The following NALF1 variants were observed in gnomAD, a reference collection of about 807,000 sequenced individuals.
NALF1 encodes the protein family with sequence similarity 155 member A.
In NALF1, 3 loss-of-function variants were observed where a neutral mutation model predicts 48.4. The observed-to-expected ratio is 0.06, with a 90% CI of 0.03 to 0.16. The LOEUF (loss-of-function observed/expected upper bound fraction) is 0.16. Ranked by LOEUF, NALF1 falls within the 10% of genes least tolerant of loss-of-function variation. The probability of loss-of-function intolerance (pLI) is 1.00; values close to 1 mark genes in which losing one functional copy is unlikely to be tolerated. For missense variants in NALF1, 526 were observed against 571.5 expected, an observed-to-expected ratio of 0.92 and a Z score of 0.81; for synonymous variants, 262 against 245.7, an observed-to-expected ratio of 1.07 and a Z score of -0.62.
In NALF1 at chr13:107,216,668, C is replaced by G. The variant is rs766827286; in HGVS notation, c.916-5913G>C. 5.9e-5 allele frequency among the ~76,000 whole-genome samples: 9 copies of G among 152,284 alleles called. No individual in the cohort carries two copies. In the South Asian group the frequency reaches 1.2e-3, roughly 21 times the overall value. ...GGTCTATTCCCTTGCATTTCAGGGC[C>G]TCCTGAGCTTGTTGGCTCTGTCCCA... On this transcript the variant is annotated intron_variant, in intron 1 of 2. Transcript: ENST00000375915.
At chr13:107,601,534 C>G (rs367634412) in intron 1 of NALF1, among the ~76,000 whole-genome samples, 1 of 152,212 alleles carries the variant, frequency 6.6e-6, no homozygotes, top group East Asian at 1.9e-4. Context: ...CAGTTTTTAT[C>G]AGGAGGCTTT....
At chr13:107,313,564 G>T (rs1488739080) in intron 1 of NALF1, among the ~76,000 whole-genome samples, 1 of 152,068 alleles carries the variant, frequency 6.6e-6, no homozygotes, top group African/African-American at 2.4e-5. Context: ...ATGTAAACTG[G>T]TAGCTTGTCT....
intron 1 of NALF1, among the ~76,000 whole-genome samples, chr13:107,628,369 C>A (rs1221038417): frequency 6.6e-6 from 1 of 152,146 alleles, no homozygotes; most frequent in Non-Finnish European, 1.5e-5. Context: ...CTATATATCC[C>A]AGTTCCCACT....
chr13:107,815,139 T>G, intron 1 of NALF1, among the ~76,000 whole-genome samples: 1 of 151,728 alleles, frequency 6.6e-6, no homozygotes, highest in East Asian at 1.9e-4. Flanking sequence ...AGTAATAAAA[T>G]AAAAAAAAGA....
At chr13:107,705,917 A>G (rs1410513874) in intron 1 of NALF1, among the ~76,000 whole-genome samples, 1 of 152,072 alleles carries the variant, frequency 6.6e-6, no homozygotes, top group African/African-American at 2.4e-5. Context: ...GTATTTTTCC[A>G]GCTAATACAT....
At chr13:107,174,531 A>G (rs1566441097) in intron 2 of NALF1, among the ~76,000 whole-genome samples, 1 of 151,428 alleles carries the variant, frequency 6.6e-6, no homozygotes, top group African/African-American at 2.4e-5. Context: ...AATTTTTTGT[A>G]TTTTTAGTAG....
rs1555329721 is a variant in NALF1, at chr13:107,851,805, C to CATTTTTTTT, written c.915+13876_915+13877insAAAAAAAAT. Among the ~76,000 whole-genome samples the CATTTTTTTT allele has an allele frequency of 6.2e-4, 65 of 104,732 alleles. 5 individuals are homozygous for CATTTTTTTT. The highest frequency in any genetic ancestry group is 1.0e-3 in the African/African-American group (29 of 28,270). The allele number at this position is 104,732 out of a possible 152,430, so 68.7% of individuals were successfully genotyped here. On this transcript the variant is annotated intron_variant, in intron 1 of 2. Coordinates refer to ENST00000375915, the MANE Select transcript of NALF1 (RefSeq NM_001080396.3). Reference sequence around the variant, plus strand: ...GGATTAAGGGCTTTACAGGCCCTTTCTTTTTTTTTTTTTTTTTTTTTGAGA... The same window carrying CATTTTTTTT: ...GGATTAAGGGCTTTACAGGCCCTTTCATTTTTTTTTTTTTTTTTTTTTTTTTTTTTGAGA...
At chr13:107,461,739 G>A (rs941172014) in intron 1 of NALF1, among the ~76,000 whole-genome samples, 1 of 152,258 alleles carries the variant, frequency 6.6e-6, no homozygotes, top group African/African-American at 2.4e-5. Context: ...TATTGTAATT[G>A]TATATGGTAT....
In NALF1 at chr13:107,164,853, C is replaced by T. The variant is rs1296980993; in HGVS notation, c.*5644G>A. On this transcript the variant is annotated 3_prime_UTR_variant, in exon 3 of 3. Coordinates refer to ENST00000375915, the MANE Select transcript of NALF1 (RefSeq NM_001080396.3). ...AAATTCAGAAACTCTGAACAACTTC[C>T]AGGAGCAGTCCCTATGAGCAAGCCA... The T allele has an allele frequency of 6.6e-5, 10 of 152,086 alleles. No individual in the cohort carries two copies. The highest frequency in any genetic ancestry group is 1.2e-4 in the Non-Finnish European group (8 of 68,040). The allele number at this position is 152,086 out of a possible 1,614,324, so 9.4% of individuals were successfully genotyped here.
At chr13:107,502,048 ATATT>A (rs1360642846) in intron 1 of NALF1, among the ~76,000 whole-genome samples, 2 of 152,182 alleles carry the variant, frequency 1.3e-5, no homozygotes, top group African/African-American at 4.8e-5. Flanking sequence ...AGAACAATCT[ATATT>A]TATTGCTAAG....
chr13:107,534,143 TG>T (rs1222800819), intron 1 of NALF1, among the ~76,000 whole-genome samples: 1 of 152,118 alleles, frequency 6.6e-6, no homozygotes, highest in Admixed American at 6.6e-5. Flanking sequence ...ACGTAGGTTC[TG>T]GGCCCTCCCC....
intron 1 of NALF1, among the ~76,000 whole-genome samples, chr13:107,673,818 TA>T (rs1296037880): frequency 6.6e-6 from 1 of 151,892 alleles, no homozygotes; most frequent in Non-Finnish European, 1.5e-5. Flanking sequence ...TGTCAAAAAT[TA>T]AAAAAATAAT....
rs146516170 is a variant in NALF1 at position 107,645,989 on chromosome 13, A to G, written c.915+219693T>C. ...GAGTTCTGGGAGTTCTTGGTTTCTT[A>G]CCCTGCATCAGCAATCAGCAAATCA... is the stretch of plus-strand genomic sequence containing the variant. On this transcript the variant is annotated intron_variant, in intron 1 of 2. Coordinates refer to ENST00000375915, the MANE Select transcript of NALF1 (RefSeq NM_001080396.3). 1.5e-3 allele frequency among the ~76,000 whole-genome samples: 233 copies of G among 152,144 alleles called. 2 individuals are homozygous for G. The highest frequency in any genetic ancestry group is 5.2e-3 in the African/African-American group (214 of 41,508).
intron 1 of NALF1, among the ~76,000 whole-genome samples, chr13:107,411,301 G>GTTTT (rs5806654): frequency 7.3e-6 from 1 of 136,412 alleles, no homozygotes; most frequent in Non-Finnish European, 1.6e-5. Context: ...GTAGAATCTT[G>GTTTT]TTTTTTTTTT....
intron 1 of NALF1, among the ~76,000 whole-genome samples, chr13:107,302,863 GAC>G (rs1189875409): frequency 6.6e-6 from 1 of 151,642 alleles, no homozygotes; most frequent in African/African-American, 2.4e-5. Context: ...CACACACACA[GAC>G]ACACACAGAC....
chr13:107,839,472 T>C (rs1317172977), intron 1 of NALF1, among the ~76,000 whole-genome samples: 2 of 151,486 alleles, frequency 1.3e-5, no homozygotes, highest in African/African-American at 4.9e-5. Flanking sequence ...ATGCTAGTTA[T>C]TTCATATTGT....
In NALF1 at chr13:107,204,248, C is replaced by G. The variant is rs1257671554; in HGVS notation, c.1087+6336G>C. ...GGCAGGTTGTCTTCCTCTCCCCACA[C>G]AGACAAGCGTAAAACCTCATTCTCC... On this transcript the variant is annotated intron_variant, in intron 2 of 2. Transcript: ENST00000375915. Among the ~76,000 whole-genome samples, 3 of 151,476 alleles carry G rather than the reference C, an allele frequency of 2.0e-5. No homozygotes were observed. The East Asian group carries it at 5.8e-4, about 29-fold the overall frequency.
chr13:107,225,399 C>T (rs1880081800), intron 1 of NALF1, among the ~76,000 whole-genome samples: 2 of 152,156 alleles, frequency 1.3e-5, no homozygotes, highest in Admixed American at 1.3e-4. Context: ...GCCTCAGCCT[C>T]CTGAGTAACT....
chr13:107,358,610 C>T (rs1224487994), intron 1 of NALF1, among the ~76,000 whole-genome samples: 1 of 152,056 alleles, frequency 6.6e-6, no homozygotes, highest in Non-Finnish European at 1.5e-5. Flanking sequence ...TTTTTAAAGA[C>T]ATTCAATAAA....
Sources: allele counts gnomAD v4.1 joint callset (sites outside exome capture counted in the v4.1 genomes callset), GRCh38; gene constraint gnomAD v4.1.1; transcripts MANE v1.5; gene names NCBI Gene and HGNC (gene_info 2026-07-23, HGNC 2026-07-21).